The following RAB11FIP1 variants were observed in gnomAD, a reference collection of about 807,000 sequenced individuals.
RAB11FIP1 encodes the protein rab11 family-interacting protein 1.
RAB11FIP1 carries 49 observed loss-of-function variants against 83.1 expected under a neutral mutation model. The ratio of observed to expected loss-of-function variants is 0.59; its 90% CI spans 0.47 to 0.75. The LOEUF (loss-of-function observed/expected upper bound fraction) is 0.75, where lower values mean the gene tolerates loss of function less well. Among genes scored for constraint, RAB11FIP1 ranks in the 30% least tolerant of loss-of-function variants. The pLI is 0.00. For synonymous variants in RAB11FIP1, 670 were observed against 656.0 expected, an observed-to-expected ratio of 1.02 and a Z score of -0.33; for missense variants, 1,536 against 1,598.7, an observed-to-expected ratio of 0.96 and a Z score of 0.67.
At chr8:37,867,733 A>G (rs1314727997) in intron 5 of RAB11FIP1, among the ~76,000 whole-genome samples, 1 of 150,572 alleles carries the variant, frequency 6.6e-6, no homozygotes, top group African/African-American at 2.5e-5. Context: ...GGAAGGAAGG[A>G]AGGGAGGGAG....
At position 37,872,662 on chromosome 8, in the gene RAB11FIP1, G is replaced by T; in HGVS notation, c.2140C>A (p.Gln714Lys). 4 of 1,614,186 alleles carry T rather than the reference G, an allele frequency of 2.5e-6. No individual in the cohort carries two copies. The highest frequency in any genetic ancestry group is 3.4e-6 in the Non-Finnish European group (4 of 1,180,022). ...TCTCCAGATGATGGGCTGTAGTCTT[G>T]TTTTTTGCAGGGGAATCTCGGAAGT... ...EELPRFPCKK[Q>K]DYSPSSGEAQ... is the part of the protein sequence containing the mutation. Residue 714 changes from glutamine (Q) to lysine (K), a missense_variant, in exon 4 of 6, where the codon CAA becomes AAA. Physicochemically the swap from Gln to Lys is moderately conservative, Grantham distance 53. Coordinates refer to ENST00000330843, the MANE Select transcript of RAB11FIP1 (RefSeq NM_001002814.3).
intron 2 of RAB11FIP1, among the ~76,000 whole-genome samples, chr8:37,876,569 G>C (rs1806615419): frequency 6.6e-6 from 1 of 150,558 alleles, no homozygotes; most frequent in African/African-American, 2.4e-5. Flanking sequence ...CTGCACTCCA[G>C]CGTGGGCAAT....
At chr8:37,867,687 A>T (rs769877155) in intron 5 of RAB11FIP1, among the ~76,000 whole-genome samples, 7 of 151,502 alleles carry the variant, frequency 4.6e-5, no homozygotes, top group Non-Finnish European at 1.0e-4. Flanking sequence ...AGCCTGATCA[A>T]CCAGAGCGAA....
At chr8:37,877,748 C>T in intron 1 of RAB11FIP1, 197 bp from the exon 2 acceptor site, 1 of 448,460 alleles carries the variant, frequency 2.2e-6, no homozygotes, top group Non-Finnish European at 3.7e-6. Context: ...GACACAGAGT[C>T]TTGCTCTGTC....
chr8:37,883,233 C>G (rs1312662823), intron 1 of RAB11FIP1, among the ~76,000 whole-genome samples: 1 of 151,158 alleles, frequency 6.6e-6, no homozygotes, highest in East Asian at 2.0e-4. Flanking sequence ...GAGTCTCACT[C>G]TATCGCCCAG....
At position 37,862,118 on chromosome 8, in the gene RAB11FIP1, A is replaced by G. The variant is rs1176376808; in HGVS notation, c.*777T>C. Reference sequence around the variant, plus strand: ...TAGCCAGCAGGAACCTGGCTGTCATAAGAGGAGGGGCTTTCACCAAGTTCC... The same window carrying G: ...TAGCCAGCAGGAACCTGGCTGTCATGAGAGGAGGGGCTTTCACCAAGTTCC... On this transcript the variant is annotated 3_prime_UTR_variant, in exon 6 of 6. Coordinates refer to ENST00000330843, the MANE Select transcript of RAB11FIP1 (RefSeq NM_001002814.3). 1 of 152,590 alleles carries G rather than the reference A, an allele frequency of 6.6e-6. No individual in the cohort carries two copies. Among genetic ancestry groups the G allele is most frequent in the African/African-American group, 2.4e-5 (1 of 41,460 alleles). The allele number at this position is 152,590 out of a possible 1,614,324, so 9.5% of individuals were successfully genotyped here. A position where few individuals can be genotyped will look rare whatever the true frequency, so the allele number is the denominator to read the frequency against.
In RAB11FIP1 at chr8:37,872,766, C is replaced by A; in HGVS notation, c.2036G>T (p.Gly679Val). The change falls in exon 4 of 6, where the codon GGC (glycine) becomes GTC (valine). Residue 679 changes from glycine (G) to valine (V), a missense_variant. Physicochemically the swap from Gly to Val is moderately radical, Grantham distance 109. Coordinates refer to ENST00000330843, the MANE Select transcript of RAB11FIP1 (RefSeq NM_001002814.3). ...DSLMGRTRET[G>V]TEKNTSSLEL... ...AAGGCTGCTGGTGTTCTTCTCTGTGCCTGTCTCACGGGTCCTGCCCATCAG... is the reference window on the plus strand; with the variant it reads ...AAGGCTGCTGGTGTTCTTCTCTGTGACTGTCTCACGGGTCCTGCCCATCAG... 6 of 1,614,250 alleles carry A rather than the reference C, an allele frequency of 3.7e-6. No individual in the cohort carries two copies. Among genetic ancestry groups the A allele is most frequent in the Non-Finnish European group, 5.1e-6 (6 of 1,180,046 alleles).
At chr8:37,877,967 G>A (rs1295177350) in intron 1 of RAB11FIP1, 8 of 155,636 alleles carry the variant, frequency 5.1e-5, no homozygotes, top group South Asian at 2.0e-4. Context: ...TGATCCGCCC[G>A]CCTCAGCCTC....
Position 37,899,436 on chromosome 8 carries a change from G to A in RAB11FIP1, c.6C>T (p.Ser2=). 1.3e-6 allele frequency: 2 copies of A among 1,555,038 alleles called. No homozygotes were observed. The highest frequency in any genetic ancestry group is 2.3e-5 in the East Asian group (1 of 42,954). The part of the protein sequence containing the change: M[S]LMVSAGRGLG... ...GGCCCCGGCCAGCCGAGACCATTAG[G>A]GACATGGTGACGATAACACTCCAGA... is the stretch of plus-strand genomic sequence containing the variant. The change falls in exon 1 of 6, where the codon TCC becomes TCT. Residue 2 remains serine (S), a synonymous_variant. Coordinates refer to ENST00000330843, the MANE Select transcript of RAB11FIP1 (RefSeq NM_001002814.3). The surrounding 1 kb of genome is among the most constrained non-coding windows in gnomAD (Gnocchi z 4.5).
At chr8:37,867,092 G>A (rs554308760) in intron 5 of RAB11FIP1, among the ~76,000 whole-genome samples, 3 of 152,320 alleles carry the variant, frequency 2.0e-5, no homozygotes, top group South Asian at 4.1e-4. Flanking sequence ...TAACTTCCCA[G>A]AAACAAGGTG....
At chr8:37,876,001 C>T (rs891011588) in intron 2 of RAB11FIP1, among the ~76,000 whole-genome samples, 3 of 152,042 alleles carry the variant, frequency 2.0e-5, no homozygotes, top group East Asian at 3.8e-4. Flanking sequence ...TCAAAACCAG[C>T]CTGGTCAACA....
At chr8:37,869,261 GA>G (rs1806400341) in intron 5 of RAB11FIP1, among the ~76,000 whole-genome samples, 1 of 149,988 alleles carries the variant, frequency 6.7e-6, no homozygotes, top group Non-Finnish European at 1.5e-5. Context: ...TGATTTTGAT[GA>G]ATGTCCTTAC....
At chr8:37,878,393 G>A (rs1469586963) in intron 1 of RAB11FIP1, among the ~76,000 whole-genome samples, 1 of 151,436 alleles carries the variant, frequency 6.6e-6, no homozygotes, top group Admixed American at 6.6e-5. Flanking sequence ...AATTAGCCGG[G>A]TGTGGTGGCA....
At position 37,862,658 on chromosome 8, in the gene RAB11FIP1, C is replaced by A; in HGVS notation, c.*237G>T. 1 of 449,632 alleles carries A rather than the reference C, an allele frequency of 2.2e-6. No individual in the cohort carries two copies. 27.9% of individuals were successfully genotyped at this position (449,632 alleles called of 1,614,324 possible). A position where few individuals can be genotyped will look rare whatever the true frequency, so the allele number is the denominator to read the frequency against. ...ATCTCTGGTGGGCATAAAATATTTA[C>A]AACCTTGTTAAAGGCACAGTGGCAT... On this transcript the variant is annotated 3_prime_UTR_variant, in exon 6 of 6. Transcript: ENST00000330843.
chr8:37,896,690 T>C (rs768584407), intron 1 of RAB11FIP1, among the ~76,000 whole-genome samples: 2 of 152,170 alleles, frequency 1.3e-5, no homozygotes, highest in Non-Finnish European at 2.9e-5. Flanking sequence ...CACAAAGCAG[T>C]TGCCAACCTT....
chr8:37,895,285 TTTTTTTTTG>T (rs1807061621), intron 1 of RAB11FIP1, among the ~76,000 whole-genome samples: 1 of 65,454 alleles, frequency 1.5e-5, no homozygotes, highest in Non-Finnish European at 3.0e-5. Flanking sequence ...TTTTTTTTTT[TTTTTTTTTG>T]GTAGAGTTTG....
intron 1 of RAB11FIP1, among the ~76,000 whole-genome samples, chr8:37,885,695 C>T (rs1183160862): frequency 1.3e-5 from 2 of 152,190 alleles, no homozygotes; most frequent in Non-Finnish European, 2.9e-5. Flanking sequence ...GAGCCTGTGC[C>T]CACACACAAG....
chr8:37,893,685 G>C (rs1480382662), intron 1 of RAB11FIP1, among the ~76,000 whole-genome samples: 1 of 152,088 alleles, frequency 6.6e-6, no homozygotes, highest in Non-Finnish European at 1.5e-5. Context: ...AGCTACTCGG[G>C]AAGCTGAGCT....
At chr8:37,881,440 T>G (rs916542654) in intron 1 of RAB11FIP1, among the ~76,000 whole-genome samples, 1 of 152,180 alleles carries the variant, frequency 6.6e-6, no homozygotes, top group Non-Finnish European at 1.5e-5. Flanking sequence ...CATTTAAATG[T>G]CCAAAGATGA....
Sources: gnomAD v4.1 joint callset for allele counts (sites outside exome capture counted in the v4.1 genomes callset) on GRCh38, gnomAD v4.1.1 for gene constraint, Gnocchi (gnomAD v3.1) non-coding constraint, MANE v1.5 for transcripts, NCBI Gene and HGNC (gene_info 2026-07-23, HGNC 2026-07-21) for gene names.